C1orf87: variants seen among roughly 807,000 people sequenced by gnomAD.
The protein encoded by C1orf87 is uncharacterized protein C1orf87.
A neutral mutation model predicts 60.5 loss-of-function variants in C1orf87; 58 were observed. That is an observed-to-expected ratio of 0.96 (90% CI 0.78 to 1.19). C1orf87 has a LOEUF of 1.19. Among genes scored for constraint, C1orf87 ranks in the 50% most tolerant of loss-of-function variants. The pLI, the probability that C1orf87 is intolerant of heterozygous loss-of-function variation, is 0.00. For missense variants in C1orf87, 673 were observed against 638.6 expected, an observed-to-expected ratio of 1.05 and a Z score of -0.58; for synonymous variants, 236 against 227.4, an observed-to-expected ratio of 1.04 and a Z score of -0.34.
chr1:60,018,342 T>C (rs1288066209), intron 8 of C1orf87, among the ~76,000 whole-genome samples: 4 of 152,208 alleles, frequency 2.6e-5, no homozygotes, highest in Non-Finnish European at 4.4e-5. Flanking sequence ...GTGATATCCT[T>C]GAACATTTAA....
intron 4 of C1orf87, 77 bp downstream of exon 4, chr1:60,040,914 C>T (rs1195575142): frequency 5.5e-6 from 8 of 1,458,900 alleles, no homozygotes; most frequent in African/African-American, 4.2e-5. Flanking sequence ...TTATCTTCTG[C>T]TCCACATCAA....
chr1:60,005,456 T>C (rs958850430), intron 9 of C1orf87, among the ~76,000 whole-genome samples: 3 of 152,012 alleles, frequency 2.0e-5, no homozygotes, highest in Non-Finnish European at 4.4e-5. Flanking sequence ...AACCAATGAT[T>C]AGGGGATGGA....
rs1024421848 is a variant in C1orf87 at position 60,040,073 on chromosome 1, C to A, written c.591G>T (p.Lys197Asn). Residue 197 changes from lysine to asparagine, a missense_variant, in exon 5 of 12, where the codon AAG becomes AAT. By Grantham distance (94) the Lys-to-Asn change is moderately conservative. Coordinates refer to ENST00000371201, the MANE Select transcript of C1orf87 (RefSeq NM_152377.3). ...SRPLSSNLLE[K>N]LQKELKILDP... ...CCAGGATCTTCAGCTCTTTCTGAAG[C>A]TTTTCTAATAAGTTGGAACTCAAAG... 2 of 1,614,194 alleles carry A rather than the reference C, an allele frequency of 1.2e-6. No individual in the cohort carries two copies. The highest frequency in any genetic ancestry group is 2.2e-5 in the East Asian group (1 of 44,890).
chr1:60,057,605 G>T (rs1041321214), intron 2 of C1orf87, among the ~76,000 whole-genome samples: 2 of 152,208 alleles, frequency 1.3e-5, no homozygotes, highest in Non-Finnish European at 2.9e-5. Flanking sequence ...GACAGACACA[G>T]AAGGGAAACC....
At chr1:60,017,113 C>T (rs1482985219) in intron 8 of C1orf87, among the ~76,000 whole-genome samples, 4 of 152,166 alleles carry the variant, frequency 2.6e-5, no homozygotes. Context: ...AGTTTCCTCA[C>T]TTGAAAAATA....
chr1:60,065,022 T>C (rs1645534075), intron 2 of C1orf87, among the ~76,000 whole-genome samples: 1 of 116,758 alleles, frequency 8.6e-6, no homozygotes, highest in Non-Finnish European at 1.7e-5. Flanking sequence ...ATTAAATATA[T>C]ATATTTAATA....
intron 11 of C1orf87, among the ~76,000 whole-genome samples, chr1:59,994,038 C>T (rs1056151054): frequency 3.3e-5 from 5 of 152,116 alleles, no homozygotes; most frequent in African/African-American, 7.2e-5. Context: ...GGATTACAGG[C>T]GTGAGCCACT....
intron 8 of C1orf87, among the ~76,000 whole-genome samples, chr1:60,017,521 T>G (rs564719765): frequency 4.3e-4 from 65 of 152,338 alleles, no homozygotes; most frequent in African/African-American, 1.5e-3. Context: ...CAACACAATT[T>G]GGCTTGTGTG....
At chr1:60,069,156 G>C (rs1229246390) in intron 2 of C1orf87, among the ~76,000 whole-genome samples, 1 of 152,148 alleles carries the variant, frequency 6.6e-6, no homozygotes, top group African/African-American at 2.4e-5. Context: ...GGAGCCCCCA[G>C]GTGGGGCAGG....
intron 3 of C1orf87, among the ~76,000 whole-genome samples, chr1:60,051,418 T>C (rs988554623): frequency 5.3e-5 from 8 of 152,230 alleles, no homozygotes; most frequent in African/African-American, 1.9e-4. Flanking sequence ...AATGCACTTG[T>C]GTAATTGAGT....
At chr1:60,020,122 C>A (rs138334871) in intron 8 of C1orf87, among the ~76,000 whole-genome samples, 70 of 152,272 alleles carry the variant, frequency 4.6e-4, no homozygotes, top group African/African-American at 1.5e-3. Context: ...CTGGCAGCTC[C>A]TCCCATCACA....
chr1:60,027,146 T>C (rs928794744), intron 7 of C1orf87, among the ~76,000 whole-genome samples: 7 of 152,226 alleles, frequency 4.6e-5, no homozygotes, highest in African/African-American at 1.7e-4. Context: ...TCTTTTTATA[T>C]TGATACTTCA....
chr1:60,021,551 C>T (rs559559829), intron 8 of C1orf87, among the ~76,000 whole-genome samples: 27 of 152,264 alleles, frequency 1.8e-4, no homozygotes, highest in Middle Eastern at 3.4e-3. Flanking sequence ...GATTACCTCT[C>T]TAATTCAGTT....
chr1:60,058,776 G>A (rs1173279838), intron 2 of C1orf87, among the ~76,000 whole-genome samples: 1 of 152,188 alleles, frequency 6.6e-6, no homozygotes, highest in Non-Finnish European at 1.5e-5. Flanking sequence ...TGGCAGTAGA[G>A]TCAGAGGAAG....
At chr1:60,067,501 ACATAAATGTCTT>A (rs1235932894) in intron 2 of C1orf87, among the ~76,000 whole-genome samples, 1 of 149,224 alleles carries the variant, frequency 6.7e-6, no homozygotes, top group Non-Finnish European at 1.5e-5. Flanking sequence ...TTTGTTGGCC[ACATAAATGTCTT>A]CTTTTGAGAA....
At chr1:60,038,250 G>A (rs1157025576) in intron 5 of C1orf87, 143 bp from the exon 6 acceptor site, 3 of 498,474 alleles carry the variant, frequency 6.0e-6, no homozygotes, top group African/African-American at 3.8e-5. Context: ...AATTATTGGT[G>A]CTTTTTAGCA....
At chr1:60,029,928 C>T (rs976468127) in intron 7 of C1orf87, among the ~76,000 whole-genome samples, 17 of 151,944 alleles carry the variant, frequency 1.1e-4, no homozygotes, top group African/African-American at 3.9e-4. Flanking sequence ...TGTGAGCCAC[C>T]ATGCCCGGTC....
intron 7 of C1orf87, among the ~76,000 whole-genome samples, chr1:60,028,925 G>A (rs975495240): frequency 2.6e-5 from 4 of 151,070 alleles, no homozygotes; most frequent in Admixed American, 2.0e-4. Flanking sequence ...CCTTAACAAT[G>A]AGTGCTCTCC....
chr1:60,066,250 C>T (rs535808895), intron 2 of C1orf87, among the ~76,000 whole-genome samples: 8 of 152,258 alleles, frequency 5.3e-5, no homozygotes, highest in African/African-American at 1.9e-4. Flanking sequence ...TTCTCTGTAA[C>T]ATATGATGCT....
Sources: allele counts gnomAD v4.1 joint callset (sites outside exome capture counted in the v4.1 genomes callset), GRCh38; gene constraint gnomAD v4.1.1; transcripts MANE v1.5; gene names NCBI Gene and HGNC (gene_info 2026-07-23, HGNC 2026-07-21).